PTPA: variants seen among roughly 807,000 people sequenced by gnomAD.
The protein encoded by PTPA is serine/threonine-protein phosphatase 2A activator.
Under a neutral mutation model 43.6 loss-of-function variants are expected in PTPA, and 13 were observed. The observed-to-expected ratio is 0.30, with a 90% CI of 0.19 to 0.47. The LOEUF is 0.47. Ranked by LOEUF, PTPA falls within the 20% of genes least tolerant of loss-of-function variation. The probability of loss-of-function intolerance (pLI) is 0.99; values close to 1 mark genes in which losing one functional copy is unlikely to be tolerated. For missense variants in PTPA, 329 were observed against 411.9 expected (o/e 0.80, Z 1.74); for synonymous variants, 172 against 158.2 (o/e 1.09, Z -0.66).
At chr9:129,133,803 C>T (rs1850152316) in intron 5 of PTPA, among the ~76,000 whole-genome samples, 1 of 152,234 alleles carries the variant, frequency 6.6e-6, no homozygotes, top group Non-Finnish European at 1.5e-5. Context: ...TTCTCCCTTG[C>T]TCTCACTGCC....
intron 1 of PTPA, among the ~76,000 whole-genome samples, chr9:129,113,719 G>A (rs1477718010): frequency 6.6e-6 from 1 of 152,110 alleles, no homozygotes; most frequent in Admixed American, 6.5e-5. Flanking sequence ...GCAGTGAGCC[G>A]AGATTGCTCC....
chr9:129,139,877 A>AC (rs756736700), intron 8 of PTPA: 20 of 151,838 alleles, frequency 1.3e-4, no homozygotes, highest in Non-Finnish European at 2.2e-4. Flanking sequence ...TAGGTGAGGG[A>AC]CCCCACCTTG....
intron 8 of PTPA, 24 bp from the exon 9 acceptor site, chr9:129,142,421 C>A: frequency 1.9e-6 from 3 of 1,547,420 alleles, no homozygotes; most frequent in Non-Finnish European, 1.7e-6. Flanking sequence ...CCTGTCTCTT[C>A]AGCTTGTGGC....
At position 129,134,294 on chromosome 9, in the gene PTPA, TTC is replaced by T. The variant is rs1470131011; in HGVS notation, c.461-499_461-498del. On this transcript the variant is annotated intron_variant, in intron 5 of 9. Coordinates refer to ENST00000393370, the MANE Select transcript of PTPA (RefSeq NM_178000.3). ...ACGAGTGGAATTATAGTACTGGTAG[TTC>T]TTTTTTTTTTTTTTTTTTTTTTTTT... Among the ~76,000 whole-genome samples, 21 of 121,290 alleles carry T rather than the reference TTC, an allele frequency of 1.7e-4. No individual in the cohort carries two copies. The South Asian group carries it at 4.8e-3, about 28-fold the overall frequency. 79.6% of individuals were successfully genotyped at this position (121,290 alleles called of 152,430 possible).
intron 8 of PTPA, 86 bp from the exon 9 acceptor site, chr9:129,142,359 T>C (rs751077598): frequency 9.3e-6 from 11 of 1,184,430 alleles, no homozygotes; most frequent in Non-Finnish European, 1.3e-5. Context: ...TGTGTGTGCA[T>C]GCATGGGTGT....
chr9:129,136,450 T>C, intron 6 of PTPA, 21 bp from the exon 7 acceptor site: 1 of 1,597,608 alleles, frequency 6.3e-7, no homozygotes, highest in Non-Finnish European at 8.5e-7. Flanking sequence ...CTACCTTCCC[T>C]TTCCCTGTCC....
At chr9:129,143,593 A>C (rs1220204378) in intron 9 of PTPA, 4 of 627,130 alleles carry the variant, frequency 6.4e-6, no homozygotes, top group Non-Finnish European at 8.6e-6. Flanking sequence ...GGCTCCCTGC[A>C]CTTGGTCCTG....
chr9:129,140,878 C>T (rs538682967), intron 8 of PTPA, among the ~76,000 whole-genome samples: 87 of 152,192 alleles, frequency 5.7e-4, no homozygotes, highest in African/African-American at 2.0e-3. Flanking sequence ...GAGGTGAGGC[C>T]CCTGTAGGCT....
In PTPA at chr9:129,144,305, A is replaced by G. The variant is rs143378398; in HGVS notation, c.894+1753A>G. On this transcript the variant is annotated intron_variant, in intron 9 of 9. Coordinates refer to ENST00000393370, the MANE Select transcript of PTPA (RefSeq NM_178000.3). ...ACAGGGTGGCAAACACAAAGAGGACACTGAAAATGACCAACTCAGGATGGG... is the reference window on the plus strand; with the variant it reads ...ACAGGGTGGCAAACACAAAGAGGACGCTGAAAATGACCAACTCAGGATGGG... Among the ~76,000 whole-genome samples, 324 of 152,144 alleles carry G rather than the reference A, an allele frequency of 2.1e-3. 1 individual carries two copies. Among genetic ancestry groups the G allele is most frequent in the Middle Eastern group, 0.017 (5 of 294 alleles).
intron 8 of PTPA, among the ~76,000 whole-genome samples, chr9:129,141,034 G>A (rs1490335103): frequency 2.0e-5 from 3 of 152,150 alleles, no homozygotes; most frequent in African/African-American, 7.2e-5. Flanking sequence ...GTGGAGCCTG[G>A]GAGAGAAGAG....
At chr9:129,138,332 A>T (rs983926651) in intron 8 of PTPA, among the ~76,000 whole-genome samples, 3 of 152,182 alleles carry the variant, frequency 2.0e-5, no homozygotes, top group African/African-American at 7.2e-5. Context: ...GAGATCTCCT[A>T]GTGTGTTTGT....
chr9:129,139,708 C>G lies in PTPA; in HGVS notation c.786+2016C>G, dbSNP rs1012476975. On this transcript the variant is annotated intron_variant, in intron 8 of 9. Transcript: ENST00000393370. Reference sequence around the variant, plus strand: ...GAGGCTTGCATGGAGTTCTGTACGCCTTGCTTGGGAAGGAGGCAGTGTTTC... The same window carrying G: ...GAGGCTTGCATGGAGTTCTGTACGCGTTGCTTGGGAAGGAGGCAGTGTTTC... 3 of 152,160 alleles carry G rather than the reference C, an allele frequency of 2.0e-5. No homozygotes were observed. In the East Asian group the frequency reaches 5.8e-4, roughly 29 times the overall value. The allele number at this position is 152,160 out of a possible 1,614,324, so 9.4% of individuals were successfully genotyped here. A position where few individuals can be genotyped will look rare whatever the true frequency, so the allele number is the denominator to read the frequency against.
chr9:129,137,890 G>C (rs1025515040), intron 8 of PTPA, 198 bp downstream of exon 8: 1 of 617,166 alleles, frequency 1.6e-6, no homozygotes, highest in African/African-American at 1.8e-5. Context: ...CCTCCGCCCA[G>C]TTCTCCTTCA....
upstream of PTPA, chr9:129,110,961 T>A: frequency 4.4e-6 from 6 of 1,366,356 alleles, no homozygotes; most frequent in South Asian, 5.7e-5. The surrounding 1 kb of genome is among the most constrained non-coding windows in gnomAD (Gnocchi z 5.3). Context: ...TTGAGACCTG[T>A]GGAGGAGGAA....
At chr9:129,117,697 A>T (rs1047320480) in intron 1 of PTPA, among the ~76,000 whole-genome samples, 1 of 113,996 alleles carries the variant, frequency 8.8e-6, no homozygotes, top group African/African-American at 3.0e-5. Flanking sequence ...GAGCCACCAC[A>T]CCCAGCCTCT....
intron 9 of PTPA, 65 bp from the exon 10 acceptor site, chr9:129,147,322 G>C: frequency 6.5e-7 from 1 of 1,532,376 alleles, no homozygotes. Flanking sequence ...TGCTGCGGTT[G>C]TTGGGGTCCT....
intron 2 of PTPA, among the ~76,000 whole-genome samples, chr9:129,121,945 C>G (rs1213485136): frequency 6.6e-6 from 1 of 152,186 alleles, no homozygotes; most frequent in Non-Finnish European, 1.5e-5. Context: ...AGGAATACTT[C>G]CTTCTAGATA....
chr9:129,129,332 CTGTTTA>C lies in PTPA; in HGVS notation c.342+224_342+229del, dbSNP rs1318919373. On this transcript the variant is annotated intron_variant, in intron 4 of 9. Coordinates refer to ENST00000393370, the MANE Select transcript of PTPA (RefSeq NM_178000.3). ...ACATACGGCCCTCTGCACTACAAGG[CTGTTTA>C]TTAAGTCACTGTATTACAGCAAACT... Among the ~76,000 whole-genome samples, 3 of 152,178 alleles carry C rather than the reference CTGTTTA, an allele frequency of 2.0e-5. No homozygotes were observed. The East Asian group carries it at 5.8e-4, about 29-fold the overall frequency.
chr9:129,119,994 C>T (rs1849143508), intron 1 of PTPA, among the ~76,000 whole-genome samples: 1 of 152,112 alleles, frequency 6.6e-6, no homozygotes, highest in South Asian at 2.1e-4. Context: ...CGCTTTGGCT[C>T]ATACCTGTAA....
Sources: gnomAD v4.1 joint callset for allele counts (sites outside exome capture counted in the v4.1 genomes callset) on GRCh38, gnomAD v4.1.1 for gene constraint, Gnocchi (gnomAD v3.1) non-coding constraint, MANE v1.5 for transcripts, NCBI Gene and HGNC (gene_info 2026-07-23, HGNC 2026-07-21) for gene names.